Variants in PRMT8 observed in about 807,000 individuals in gnomAD.
The protein encoded by PRMT8 is protein arginine methyltransferase 8, also known as protein arginine N-methyltransferase 8.
PRMT8 carries 7 observed loss-of-function variants against 47.1 expected under a neutral mutation model. The ratio of observed to expected loss-of-function variants is 0.15; its 90% CI spans 0.08 to 0.28. PRMT8 has a LOEUF of 0.28. Ranked by LOEUF, PRMT8 falls within the 10% of genes least tolerant of loss-of-function variation. The pLI is 1.00. For synonymous variants in PRMT8, 188 were observed against 186.5 expected, an observed-to-expected ratio of 1.01 and a Z score of -0.07; for missense variants, 237 against 505.4, an observed-to-expected ratio of 0.47 and a Z score of 5.09.
intron 1 of PRMT8, among the ~76,000 whole-genome samples, chr12:3,418,066 C>T (rs1025140638): frequency 3.3e-5 from 5 of 152,326 alleles, no homozygotes; most frequent in African/African-American, 1.2e-4. Flanking sequence ...TAGAACAGCT[C>T]CTGTTACATA....
chr12:3,415,041 C>T (rs1170702509), intron 1 of PRMT8, among the ~76,000 whole-genome samples: 1 of 152,058 alleles, frequency 6.6e-6, no homozygotes, highest in Non-Finnish European at 1.5e-5. Context: ...CAAACCCAAG[C>T]CCCAGGTTGG....
chr12:3,434,418 A>G lies in PRMT8; in HGVS notation c.48+52976A>G, dbSNP rs151322675. Reference sequence around the variant, plus strand: ...CACCGTTCTCCTTGCTATCTAAAAAAGGTTTCTGGGCCACCTTTCCTCATT... The same window carrying G: ...CACCGTTCTCCTTGCTATCTAAAAAGGGTTTCTGGGCCACCTTTCCTCATT... On this transcript the variant is annotated intron_variant, in intron 1 of 9. Transcript: ENST00000452611. Among the ~76,000 whole-genome samples, 953 of 152,350 alleles carry G rather than the reference A, an allele frequency of 6.3e-3. 14 individuals are homozygous for G. The highest frequency in any genetic ancestry group is 0.022 in the African/African-American group (918 of 41,572).
intron 1 of PRMT8, among the ~76,000 whole-genome samples, chr12:3,423,459 A>C (rs937215351): frequency 1.3e-5 from 2 of 152,176 alleles, no homozygotes; most frequent in African/African-American, 4.8e-5. Flanking sequence ...CAGGCCCATA[A>C]TATTGTATGA....
chr12:3,426,035 C>A (rs1864600612), intron 1 of PRMT8, among the ~76,000 whole-genome samples: 1 of 152,206 alleles, frequency 6.6e-6, no homozygotes, highest in South Asian at 2.1e-4. Flanking sequence ...CGGGGGCTGA[C>A]CCGCAGGGTG....
chr12:3,582,896 T>G (rs1039072633), intron 7 of PRMT8, among the ~76,000 whole-genome samples, 162 bp from the exon 8 acceptor site: 4 of 151,494 alleles, frequency 2.6e-5, no homozygotes, highest in African/African-American at 9.7e-5. Context: ...ATGGAGGAGG[T>G]GATTGGGAGG....
chr12:3,578,709 T>A (rs1407418326), intron 7 of PRMT8, among the ~76,000 whole-genome samples: 1 of 152,074 alleles, frequency 6.6e-6, no homozygotes, highest in Non-Finnish European at 1.5e-5. Context: ...TGGGGGAGGT[T>A]TCTGAAAGAC....
chr12:3,530,828 C>T lies in PRMT8; in HGVS notation c.76-9778C>T, dbSNP rs1044521798. ...GGAAGCCTGGTACTCCTGTACCACA[C>T]GCTCGAATTTCCTCTGAATATTTAC... is the stretch of plus-strand genomic sequence containing the variant. On this transcript the variant is annotated intron_variant, in intron 1 of 9. Transcript: ENST00000382622. 3.9e-5 allele frequency among the ~76,000 whole-genome samples: 6 copies of T among 152,318 alleles called. No homozygotes were observed. The East Asian group carries it at 9.6e-4, about 24-fold the overall frequency.
At chr12:3,433,284 T>C (rs1221824124) in intron 1 of PRMT8, among the ~76,000 whole-genome samples, 2 of 152,224 alleles carry the variant, frequency 1.3e-5, no homozygotes, top group African/African-American at 4.8e-5. Context: ...TGCAGTATTG[T>C]TTGCAGTAGC....
At chr12:3,548,302 C>G (rs909236420) in intron 2 of PRMT8, among the ~76,000 whole-genome samples, 7 of 151,604 alleles carry the variant, frequency 4.6e-5, no homozygotes, top group African/African-American at 1.5e-4. Flanking sequence ...GCACAAAAAG[C>G]ACCTATCATA....
chr12:3,529,268 G>A (rs1248762886), intron 1 of PRMT8, among the ~76,000 whole-genome samples: 1 of 148,126 alleles, frequency 6.8e-6, no homozygotes, highest in Non-Finnish European at 1.5e-5. Flanking sequence ...GCAGTAAGCT[G>A]GGGTAATCTT....
intron 4 of PRMT8, among the ~76,000 whole-genome samples, chr12:3,554,400 G>C (rs1866488051): frequency 1.3e-5 from 2 of 152,352 alleles, no homozygotes; most frequent in South Asian, 4.1e-4. Context: ...CGAGCCCTGT[G>C]CTCAGTGCTG....
chr12:3,586,042 T>C (rs1867164808), intron 8 of PRMT8, among the ~76,000 whole-genome samples: 1 of 152,136 alleles, frequency 6.6e-6, no homozygotes, highest in Admixed American at 6.5e-5. Flanking sequence ...AAGGATGCTC[T>C]GGGAAAAGTT....
Position 3,492,751 on chromosome 12 carries a change from G to A in PRMT8, c.75+1051G>A, listed in dbSNP as rs1865443063. Among the ~76,000 whole-genome samples, 1 of 152,154 alleles carries A rather than the reference G, an allele frequency of 6.6e-6. No individual in the cohort carries two copies. The highest frequency in any genetic ancestry group is 1.5e-5 in the Non-Finnish European group (1 of 68,004). The stretch of plus-strand genomic sequence containing the variant: ...CCTTACCTTCCTGGAGAAACGGTGC[G>A]CCGAGATGGGGGCGGAGTGGGGCAT... On this transcript the variant is annotated intron_variant, in intron 1 of 9. Coordinates refer to ENST00000382622, the MANE Select transcript of PRMT8 (RefSeq NM_019854.5). This position sits in a 1 kb window ranked among gnomAD's most constrained non-coding sequence, Gnocchi z 7.5.
In PRMT8 at chr12:3,573,273, AT is replaced by A. The variant is rs978460593; in HGVS notation, c.713-3594del. On this transcript the variant is annotated intron_variant, in intron 6 of 9. Transcript: ENST00000382622. ...ATATATTCATTCTGTTAATAAGTTCATTTTAAAAAGTCTTCTTTCCTTATAT... is the reference window on the plus strand; with the variant it reads ...ATATATTCATTCTGTTAATAAGTTCATTTAAAAAGTCTTCTTTCCTTATAT... Among the ~76,000 whole-genome samples, 73 of 152,042 alleles carry A rather than the reference AT, an allele frequency of 4.8e-4. 3 individuals carry two copies. The highest frequency in any genetic ancestry group is 1.6e-4 in the Non-Finnish European group (11 of 67,994).
At chr12:3,416,773 A>G (rs1309720758) in intron 1 of PRMT8, among the ~76,000 whole-genome samples, 1 of 152,246 alleles carries the variant, frequency 6.6e-6, no homozygotes, top group African/African-American at 2.4e-5. Context: ...TTGAGGAAAG[A>G]CAATGTCAGG....
At position 3,583,075 on chromosome 12, in the gene PRMT8, A is replaced by G. The variant is rs749007569; in HGVS notation, c.846A>G (p.Thr282=). ...GGCTGCAGGAGGTGGACATTTACACAGTGAAGACGGAAGAGCTATCGTTCA... is the reference window on the plus strand; with the variant it reads ...GGCTGCAGGAGGTGGACATTTACACGGTGAAGACGGAAGAGCTATCGTTCA... ...ACLIKEVDIY[T]VKTEELSFTS... The change falls in exon 8 of 10, where the codon ACA becomes ACG. Residue 282 remains threonine, a synonymous_variant. Transcript: ENST00000382622. The surrounding 1 kb of genome is among the most constrained non-coding windows in gnomAD (Gnocchi z 4.7). 3.1e-6 allele frequency: 5 copies of G among 1,613,924 alleles called. No homozygotes were observed. The highest frequency in any genetic ancestry group is 3.4e-6 in the Non-Finnish European group (4 of 1,179,944).
intron 7 of PRMT8, 126 bp from the exon 8 acceptor site, chr12:3,582,932 C>A: frequency 8.5e-7 from 1 of 1,182,350 alleles, no homozygotes; most frequent in Non-Finnish European, 1.2e-6. Context: ...GGAAATCACC[C>A]CAAGAATAAA....
chr12:3,575,671 G>A (rs1233345392), intron 6 of PRMT8, among the ~76,000 whole-genome samples: 1 of 152,224 alleles, frequency 6.6e-6, no homozygotes, highest in Non-Finnish European at 1.5e-5. Flanking sequence ...TCCTCATGTG[G>A]TTGCTGGGTA....
At chr12:3,526,348 A>C (rs1444434943) in intron 1 of PRMT8, among the ~76,000 whole-genome samples, 1 of 152,196 alleles carries the variant, frequency 6.6e-6, no homozygotes, top group Non-Finnish European at 1.5e-5. Flanking sequence ...CTCTTTAAGC[A>C]TGTGCTTTCA....
Sources: allele counts gnomAD v4.1 joint callset (sites outside exome capture counted in the v4.1 genomes callset), GRCh38; gene constraint gnomAD v4.1.1; non-coding constraint Gnocchi (gnomAD v3.1); transcripts MANE v1.5; gene names NCBI Gene and HGNC (gene_info 2026-07-23, HGNC 2026-07-21).